Variants in MAGI1 observed in about 807,000 individuals in gnomAD.
The protein encoded by MAGI1 is membrane associated guanylate kinase, WW and PDZ domain containing 1.
In MAGI1, 58 loss-of-function variants were observed where a neutral mutation model predicts 139.9. That is an observed-to-expected ratio of 0.41 (90% confidence interval 0.34 to 0.52). The LOEUF is 0.52. MAGI1 is among the 20% of genes least tolerant of loss of function. The pLI is 0.12. For missense variants in MAGI1, 1,874 were observed against 1,901.6 expected (o/e 0.99, Z 0.27); for synonymous variants, 812 against 737.9 (o/e 1.10, Z -1.63).
At position 65,699,118 on chromosome 3, in the gene MAGI1, A is replaced by G. The variant is rs796659967; in HGVS notation, c.314-77030T>C. ...AGACATTTATGCAGCCAAAAAACAC[A>G]TGAAAAAATGCTCATCATCACTGGC... On this transcript the variant is annotated intron_variant, in intron 1 of 22. Transcript: ENST00000402939. Among the ~76,000 whole-genome samples the G allele has an allele frequency of 6.2e-5, 7 of 112,016 alleles. No homozygotes were observed. The South Asian group carries it at 1.6e-3, about 26-fold the overall frequency. The allele number at this position is 112,016 out of a possible 152,430, so 73.5% of individuals were successfully genotyped here.
At chr3:65,360,691 TGGA>T (rs1940756010) in intron 22 of MAGI1, 1 of 987,156 alleles carries the variant, frequency 1.0e-6, no homozygotes, top group African/African-American at 1.7e-5. Context: ...AGTTGGGGGA[TGGA>T]GAAGTGTTGT....
intron 1 of MAGI1, among the ~76,000 whole-genome samples, chr3:66,016,789 T>C: frequency 6.6e-6 from 1 of 152,284 alleles, no homozygotes; most frequent in Admixed American, 6.5e-5. Flanking sequence ...ATGGGGTACA[T>C]ACACAATGGA....
intron 3 of MAGI1, among the ~76,000 whole-genome samples, chr3:65,487,224 C>G (rs1951691805): frequency 6.6e-6 from 1 of 152,226 alleles, no homozygotes; most frequent in African/African-American, 2.4e-5. Flanking sequence ...GACATCCACT[C>G]TCCCTGTCTT....
At position 65,357,070 on chromosome 3, in the gene MAGI1, C is replaced by T. The variant is rs1940241324; in HGVS notation, c.3697G>A (p.Gly1233Arg). ...GACGGATGCTGCCGGCGGTCGGGCC[C>T]GGCCCTCACTTCCGGAACACCTTGT... Reference protein sequence around the residue: ...GPQGVPEVRAGPDRRQHPSLE... With the variant: ...GPQGVPEVRARPDRRQHPSLE... The change falls in exon 23 of 23, where the codon GGG becomes AGG. Residue 1233 changes from glycine (G) to arginine (R), a missense_variant. Coordinates refer to ENST00000402939, the MANE Select transcript of MAGI1 (RefSeq NM_001033057.2). 1 of 1,614,156 alleles carries T rather than the reference C, an allele frequency of 6.2e-7. No individual in the cohort carries two copies. Among genetic ancestry groups the T allele is most frequent in the Non-Finnish European group, 8.5e-7 (1 of 1,180,030 alleles).
At chr3:65,710,701 T>A (rs1379313853) in intron 1 of MAGI1, among the ~76,000 whole-genome samples, 1 of 152,192 alleles carries the variant, frequency 6.6e-6, no homozygotes, top group African/African-American at 2.4e-5. Context: ...ATTCCACACG[T>A]GAAGAAACTG....
chr3:65,917,680 C>G (rs1228857730), intron 1 of MAGI1, among the ~76,000 whole-genome samples: 1 of 152,064 alleles, frequency 6.6e-6, no homozygotes, highest in Non-Finnish European at 1.5e-5. Context: ...GTGAAAGAAG[C>G]CAATGTGAAA....
chr3:65,694,647 C>G (rs566577821), intron 1 of MAGI1, among the ~76,000 whole-genome samples: 1 of 152,212 alleles, frequency 6.6e-6, no homozygotes, highest in Non-Finnish European at 1.5e-5. Flanking sequence ...CCAGCAATAC[C>G]TGGAAACAGC....
At chr3:65,927,151 T>C (rs971448821) in intron 1 of MAGI1, among the ~76,000 whole-genome samples, 15 of 152,218 alleles carry the variant, frequency 9.9e-5, no homozygotes, top group Non-Finnish European at 1.8e-4. Flanking sequence ...GGTCTGCCTA[T>C]GGAGTAGCCA....
chr3:66,038,143 G>GC lies in MAGI1; in HGVS notation c.165_166insG (p.Pro56AlafsTer30). 1 of 1,611,994 alleles carries GC rather than the reference G, an allele frequency of 6.2e-7. No homozygotes were observed. Among genetic ancestry groups the GC allele is most frequent in the Non-Finnish European group, 8.5e-7 (1 of 1,179,448 alleles). The stretch of plus-strand genomic sequence containing the variant: ...AGCCTCGGGCCCTCGCCGCCGCCGG[G>GC]AAGCCCCGCTGCCTCGACCGCCGCC... On this transcript the variant is annotated frameshift_variant, in exon 1 of 23. Transcript: ENST00000402939. LOFTEE classifies it high-confidence loss of function.
intron 2 of MAGI1, among the ~76,000 whole-genome samples, chr3:65,531,097 A>G (rs189852891): frequency 2.2e-4 from 33 of 152,116 alleles, no homozygotes; most frequent in African/African-American, 8.0e-4. Flanking sequence ...GCTTACCATT[A>G]ATTAAGTAGG....
chr3:65,654,761 C>T (rs1440449241), intron 1 of MAGI1, among the ~76,000 whole-genome samples: 1 of 152,156 alleles, frequency 6.6e-6, no homozygotes, highest in Non-Finnish European at 1.5e-5. Flanking sequence ...TTGGTCAGGG[C>T]ATGAAGTGAA....
At position 65,493,597 on chromosome 3, in the gene MAGI1, A is replaced by C. The variant is rs200807086; in HGVS notation, c.465T>G (p.Pro155=). Residue 155 remains proline (P), a synonymous_variant, in exon 3 of 23, where the codon CCT becomes CCG. Coordinates refer to ENST00000402939, the MANE Select transcript of MAGI1 (RefSeq NM_001033057.2). ...TTRSPREGEV[P]GVDYNFLTVK... ...CAGTCAGAAAGTTATAGTCCACGCC[A>C]GGCACTTCTCCTTCTCTGGGAGATC... The C allele has an allele frequency of 2.9e-5, 47 of 1,614,200 alleles. No homozygotes were observed. The highest frequency in any genetic ancestry group is 8.8e-5 in the South Asian group (8 of 91,080).
At chr3:65,832,333 T>C (rs1425197636) in intron 1 of MAGI1, among the ~76,000 whole-genome samples, 1 of 152,194 alleles carries the variant, frequency 6.6e-6, no homozygotes, top group East Asian at 1.9e-4. Flanking sequence ...TAAGAGAGAT[T>C]CTTCAAAACA....
chr3:65,845,954 T>C (rs896344176), intron 1 of MAGI1, among the ~76,000 whole-genome samples: 1 of 152,234 alleles, frequency 6.6e-6, no homozygotes, highest in African/African-American at 2.4e-5. Flanking sequence ...GGTTCAAAGA[T>C]GAAAAGCAGG....
chr3:65,389,636 T>C (rs1943741213), intron 14 of MAGI1, among the ~76,000 whole-genome samples: 1 of 152,152 alleles, frequency 6.6e-6, no homozygotes. Flanking sequence ...GGAGACACAA[T>C]GAGGACAGAA....
At chr3:65,610,093 T>G (rs1479387450) in intron 2 of MAGI1, 2 of 119,912 alleles carry the variant, frequency 1.7e-5, no homozygotes, top group Non-Finnish European at 3.7e-5. Context: ...TCCATGTTCC[T>G]TAGATATCTA....
chr3:65,831,162 C>T (rs897306590), intron 1 of MAGI1, among the ~76,000 whole-genome samples: 5 of 152,204 alleles, frequency 3.3e-5, no homozygotes, highest in Admixed American at 3.3e-4. Context: ...TCACTTCTAA[C>T]TTCAAGCTAG....
chr3:65,418,287 T>A (rs1018125041), intron 12 of MAGI1, among the ~76,000 whole-genome samples: 3 of 152,184 alleles, frequency 2.0e-5, no homozygotes, highest in African/African-American at 7.2e-5. Flanking sequence ...CTAACTAGAT[T>A]GTGAGTACTA....
intron 1 of MAGI1, among the ~76,000 whole-genome samples, chr3:65,763,900 A>C (rs1350609359): frequency 6.6e-6 from 1 of 151,752 alleles, no homozygotes; most frequent in Non-Finnish European, 1.5e-5. Flanking sequence ...GAGAAACCCC[A>C]TCTCTACAAA....
Sources: gnomAD v4.1 joint callset for allele counts (sites outside exome capture counted in the v4.1 genomes callset) on GRCh38, gnomAD v4.1.1 for gene constraint, MANE v1.5 for transcripts, NCBI Gene and HGNC (gene_info 2026-07-23, HGNC 2026-07-21) for gene names.